The following SKIC3 variants were observed in gnomAD, a reference collection of about 807,000 sequenced individuals.
SKIC3 encodes superkiller complex protein 3.
At chr5:95,517,229 A>G in the SKIC3 span, 4 of 1,613,408 alleles carry the variant, frequency 2.5e-6, no homozygotes, top group Non-Finnish European at 3.4e-6. Flanking sequence ...AAACATGAAC[A>G]TTCACTTTAG....
chr5:95,535,006 G>A, the SKIC3 span, among the ~76,000 whole-genome samples: 1 of 152,064 alleles, frequency 6.6e-6, no homozygotes, highest in Non-Finnish European at 1.5e-5. Context: ...ATTGATTTTT[G>A]TCTCTCCGTC....
chr5:95,508,859 T>C, the SKIC3 span, among the ~76,000 whole-genome samples: 1 of 152,208 alleles, frequency 6.6e-6, no homozygotes, highest in Non-Finnish European at 1.5e-5. Context: ...ATAGTAGATA[T>C]TAAAGTCATT....
the SKIC3 span, chr5:95,494,979 G>A: frequency 1.9e-6 from 3 of 1,613,448 alleles, no homozygotes; most frequent in African/African-American, 2.7e-5. Context: ...CATGATTTGA[G>A]TCCAGAATAT....
the SKIC3 span, among the ~76,000 whole-genome samples, chr5:95,492,689 A>C: frequency 7.2e-6 from 1 of 138,456 alleles, no homozygotes. Flanking sequence ...AAAAAAAAAA[A>C]CAAGACAACT....
At chr5:95,540,797 G>A in the SKIC3 span, 96 of 1,613,876 alleles carry the variant, frequency 5.9e-5, no homozygotes, top group Middle Eastern at 1.6e-4. Flanking sequence ...TGTTCCTGCC[G>A]TGTTTTTATC....
chr5:95,541,209 G>C, the SKIC3 span: 88 of 1,124,610 alleles, frequency 7.8e-5, no homozygotes, highest in Non-Finnish European at 1.1e-4. Context: ...CAGGTGATCT[G>C]CCTGCCTCAG....
At chr5:95,464,547 G>T in the SKIC3 span, 1 of 1,293,934 alleles carries the variant, frequency 7.7e-7, no homozygotes, top group Non-Finnish European at 1.1e-6. Flanking sequence ...TAGAAGTCTT[G>T]ATTCATTGCT....
At chr5:95,498,455 G>GATAAA in the SKIC3 span, 1 of 1,614,140 alleles carries the variant, frequency 6.2e-7, no homozygotes, top group South Asian at 1.1e-5. Context: ...AGGCACCTCT[G>GATAAA]ATAATTACTG....
the SKIC3 span, chr5:95,513,790 T>TAAGGG: frequency 1.5e-6 from 1 of 676,672 alleles, no homozygotes; most frequent in East Asian, 2.8e-5. Context: ...CTATTGTTAT[T>TAAGGG]ATTTTAACTA....
At chr5:95,537,151 A>G in the SKIC3 span, 1 of 1,607,546 alleles carries the variant, frequency 6.2e-7, no homozygotes, top group Non-Finnish European at 8.5e-7. Flanking sequence ...GCTGAAACAA[A>G]TAAAAAAGCT....
chr5:95,533,408 G>A, the SKIC3 span, among the ~76,000 whole-genome samples: 1 of 152,102 alleles, frequency 6.6e-6, no homozygotes, highest in East Asian at 1.9e-4. Context: ...ATTCTCAGAA[G>A]TTCTCAATAC....
the SKIC3 span, among the ~76,000 whole-genome samples, chr5:95,525,142 C>T: frequency 6.6e-6 from 1 of 151,996 alleles, no homozygotes; most frequent in Non-Finnish European, 1.5e-5. Flanking sequence ...CTTGGCCTCC[C>T]AAAGTACTGA....
the SKIC3 span, chr5:95,523,233 T>G: frequency 1.2e-6 from 2 of 1,613,936 alleles, no homozygotes; most frequent in East Asian, 2.2e-5. Flanking sequence ...TGACCAGCTT[T>G]CAAATAGTAT....
chr5:95,536,851 T>C, the SKIC3 span: 1 of 1,613,658 alleles, frequency 6.2e-7, no homozygotes, highest in Middle Eastern at 1.7e-4. Context: ...GCACTTCTAA[T>C]GGATACTGTA....
the SKIC3 span, among the ~76,000 whole-genome samples, chr5:95,500,606 T>C: frequency 6.6e-6 from 1 of 152,166 alleles, no homozygotes; most frequent in African/African-American, 2.4e-5. Context: ...CCATTTTACG[T>C]CCACAATTCA....
the SKIC3 span, chr5:95,547,196 C>T: frequency 1.7e-5 from 26 of 1,558,668 alleles, no homozygotes; most frequent in Non-Finnish European, 2.3e-5. Context: ...AATACCTACC[C>T]AATCGTAAAT....
At chr5:95,543,200 T>G in the SKIC3 span, 1 of 1,614,006 alleles carries the variant, frequency 6.2e-7, no homozygotes. Flanking sequence ...AGCTAGTAAT[T>G]GGTCTGGCTC....
the SKIC3 span, among the ~76,000 whole-genome samples, chr5:95,483,317 A>G: frequency 6.6e-6 from 1 of 152,078 alleles, no homozygotes; most frequent in East Asian, 1.9e-4. Flanking sequence ...TCAATAGCAT[A>G]CTTTTCTATT....
chr5:95,513,045 A>G, the SKIC3 span: 2 of 198,952 alleles, frequency 1.0e-5, no homozygotes, highest in East Asian at 1.3e-4. Context: ...GACTGCTACT[A>G]TATCTATTAA....
Sources: allele counts gnomAD v4.1 joint callset (sites outside exome capture counted in the v4.1 genomes callset), GRCh38; gene constraint gnomAD v4.1.1; transcripts MANE v1.5; gene names NCBI Gene and HGNC (gene_info 2026-07-23, HGNC 2026-07-21).